Variants in POLD1 observed in about 807,000 individuals in gnomAD.
POLD1 encodes DNA polymerase delta 1, catalytic subunit, also known as DNA polymerase delta catalytic subunit.
POLD1 carries 79 observed loss-of-function variants against 129.7 expected under a neutral mutation model. The ratio of observed to expected loss-of-function variants is 0.61; its 90% confidence interval spans 0.51 to 0.73. POLD1 has a LOEUF of 0.73. POLD1 is among the 30% of genes least tolerant of loss of function. The pLI, the probability that POLD1 is intolerant of heterozygous loss-of-function variation, is 0.00. For missense variants in POLD1, 1,338 were observed against 1,595.8 expected (o/e 0.84, Z 2.75); for synonymous variants, 714 against 683.3 (o/e 1.04, Z -0.70).
At chr19:50,397,354 G>A (rs891789418) in intron 1 of POLD1, among the ~76,000 whole-genome samples, 1 of 151,490 alleles carries the variant, frequency 6.6e-6, no homozygotes, top group Non-Finnish European at 1.5e-5. Context: ...GCAGTGAATC[G>A]AGATTGTGCC....
intron 3 of POLD1, among the ~76,000 whole-genome samples, chr19:50,400,512 T>A: frequency 7.1e-6 from 1 of 141,228 alleles, no homozygotes; most frequent in East Asian, 2.1e-4. Flanking sequence ...TGAGTAACTG[T>A]GCCCCGCCTA....
intron 3 of POLD1, among the ~76,000 whole-genome samples, chr19:50,401,373 A>ATG (rs2038604140): frequency 1.9e-5 from 1 of 51,332 alleles, no homozygotes; most frequent in East Asian, 3.5e-4. Flanking sequence ...ATGTGTATAT[A>ATG]TATATATATA....
chr19:50,398,099 G>A (rs752567019), intron 1 of POLD1, among the ~76,000 whole-genome samples: 6 of 152,156 alleles, frequency 3.9e-5, no homozygotes, highest in Admixed American at 3.3e-4. Context: ...CACACGACAC[G>A]CTGACCACCG....
intron 24 of POLD1, 144 bp from the exon 25 acceptor site, chr19:50,416,901 C>T (rs1035202753): frequency 3.7e-6 from 4 of 1,071,798 alleles, no homozygotes; most frequent in Non-Finnish European, 5.3e-6. Context: ...CCGGGAGTTC[C>T]CCAGGGGAGT....
intron 8 of POLD1, 52 bp from the exon 9 acceptor site, chr19:50,403,001 G>A (rs2038717849): frequency 6.5e-7 from 1 of 1,541,598 alleles, no homozygotes; most frequent in Non-Finnish European, 8.8e-7. Flanking sequence ...CCTCCCTGCT[G>A]TGTTGGGAGT....
rs763404697 is a variant in POLD1, at chr19:50,403,475, A to G, written c.1138-18A>G. 14 of 1,581,876 alleles carry G rather than the reference A, an allele frequency of 8.9e-6. No individual in the cohort carries two copies. The highest frequency in any genetic ancestry group is 5.5e-5 in the South Asian group (5 of 90,474). On this transcript the variant is annotated intron_variant, in intron 9 of 26. Coordinates refer to ENST00000440232, the MANE Select transcript of POLD1 (RefSeq NM_002691.4). ...GCAGGGCAACCACCAGGGTGACCCAATGTGCTCCCACCCCCAGGCCTGGTC... is the reference window on the plus strand; with the variant it reads ...GCAGGGCAACCACCAGGGTGACCCAGTGTGCTCCCACCCCCAGGCCTGGTC...
intron 1 of POLD1, among the ~76,000 whole-genome samples, chr19:50,390,749 G>T (rs1480186834): frequency 1.3e-5 from 2 of 152,042 alleles, no homozygotes; most frequent in Non-Finnish European, 2.9e-5. Context: ...GTGTCCCTGG[G>T]TACTTGAGAT....
At position 50,385,825 on chromosome 19, in the gene POLD1, G is replaced by C. The variant is rs535324430; in HGVS notation, c.-2+1435G>C. On this transcript the variant is annotated intron_variant, in intron 1 of 26. Transcript: ENST00000440232. ...ATTACAGGCGTGAGCCACCACGCAC[G>C]GCCGCTTCTCCTCCTTCCTGCACTT... is the stretch of plus-strand genomic sequence containing the variant. Among the ~76,000 whole-genome samples, 9 of 151,778 alleles carry C rather than the reference G, an allele frequency of 5.9e-5. No individual in the cohort carries two copies. The South Asian group carries it at 1.7e-3, about 28-fold the overall frequency.
chr19:50,388,825 CTTTTTTTTTTTT>C (rs34487979), intron 1 of POLD1, among the ~76,000 whole-genome samples: 26 of 88,900 alleles, frequency 2.9e-4, no homozygotes, highest in African/African-American at 9.1e-4. Flanking sequence ...GCAGTTAACT[CTTTTTTTTTTTT>C]TTTTTTTTTT....
rs763479070 is a variant in POLD1 at position 50,402,253 on chromosome 19, C to T, written c.638C>T (p.Thr213Ile). 19 of 1,600,488 alleles carry T rather than the reference C, an allele frequency of 1.2e-5. 1 individual carries two copies. The South Asian group carries it at 1.9e-4, about 16-fold the overall frequency. The change falls in exon 6 of 27, where the codon ACC (threonine) becomes ATC (isoleucine). Residue 213 changes from threonine (T) to isoleucine (I), a missense_variant. By Grantham distance (89) the Thr-to-Ile change is moderately conservative (BLOSUM62 -1). Around this residue, in one of 3 missense-constraint regions of POLD1, gnomAD observed 332 missense variants for 315.7 expected, o/e 1.05. Coordinates refer to ENST00000440232, the MANE Select transcript of POLD1 (RefSeq NM_002691.4). The stretch of plus-strand genomic sequence containing the variant: ...GGCCCCTCCCCGTTCCTGCGCATCA[C>T]CGTGGCGCTGCCGCGCCTCGTGGCC... ...GHGPSPFLRI[T>I]VALPRLVAPA...
intron 3 of POLD1, among the ~76,000 whole-genome samples, chr19:50,400,932 G>A (rs2122218830): frequency 6.6e-6 from 1 of 151,158 alleles, no homozygotes. Context: ...TCCTGACCTC[G>A]TGATCCGCCC....
rs1424207662 is a variant in POLD1 at position 50,402,081 on chromosome 19, G to A, written c.546G>A (p.Leu182=). ...GGGACAGTCGCGGGGGGAGGGAGCT[G>A]ACTGGGCCGGCCGTGCTGGCTGTGG... is the stretch of plus-strand genomic sequence containing the variant. ...ISRDSRGGRE[L]TGPAVLAVEL... Residue 182 remains leucine (L), a synonymous_variant, in exon 5 of 27, where the codon CTG becomes CTA. Coordinates refer to ENST00000440232, the MANE Select transcript of POLD1 (RefSeq NM_002691.4). 1 of 1,613,988 alleles carries A rather than the reference G, an allele frequency of 6.2e-7. No individual in the cohort carries two copies. Among genetic ancestry groups the A allele is most frequent in the East Asian group, 2.2e-5 (1 of 44,878 alleles).
In POLD1 at chr19:50,399,302, A is replaced by G. The variant is rs1025999488; in HGVS notation, c.203-69A>G. ...CCACCTCTGCCTGGCTCCTTTCAGA[A>G]CCACATGCCATCCTGGCCGGGGAAG... On this transcript the variant is annotated intron_variant, in intron 2 of 26. Transcript: ENST00000440232. 21 of 1,354,158 alleles carry G rather than the reference A, an allele frequency of 1.6e-5. No homozygotes were observed. In the Admixed American group the frequency reaches 3.8e-4, roughly 24 times the overall value. 83.9% of individuals were successfully genotyped at this position (1,354,158 alleles called of 1,614,324 possible).
chr19:50,385,358 C>G (rs2037933716), intron 1 of POLD1, among the ~76,000 whole-genome samples: 1 of 151,964 alleles, frequency 6.6e-6, no homozygotes, highest in African/African-American at 2.4e-5. Flanking sequence ...GAGCAGCAGG[C>G]TGGATGGGGA....
intron 17 of POLD1, among the ~76,000 whole-genome samples, chr19:50,410,319 G>A (rs551570843): frequency 1.3e-5 from 2 of 152,252 alleles, no homozygotes; most frequent in Admixed American, 1.3e-4. Flanking sequence ...CTTGAGTCTT[G>A]GCCCATTCCA....
chr19:50,399,671 G>A (rs1431987107), intron 3 of POLD1, among the ~76,000 whole-genome samples, 187 bp downstream of exon 3: 1 of 152,216 alleles, frequency 6.6e-6, no homozygotes, highest in Non-Finnish European at 1.5e-5. Flanking sequence ...CAGGGGTTGT[G>A]GAGTGCGAAG....
chr19:50,406,337 TG>T lies in POLD1; in HGVS notation c.1383+19del. On this transcript the variant is annotated intron_variant, in intron 11 of 26. Coordinates refer to ENST00000440232, the MANE Select transcript of POLD1 (RefSeq NM_002691.4). The surrounding 1 kb of genome is among the most constrained non-coding windows in gnomAD (Gnocchi z 5.5). ...ACATGCTGCAGGTATGGGCGGGAGGTGGGGTGTGTCCCTGTCCTTGGAAGGC... is the reference window on the plus strand; with the variant it reads ...ACATGCTGCAGGTATGGGCGGGAGGTGGGTGTGTCCCTGTCCTTGGAAGGC... 6.2e-7 allele frequency: 1 copy of T among 1,612,562 alleles called. No homozygotes were observed. Among genetic ancestry groups the T allele is most frequent in the Non-Finnish European group, 8.5e-7 (1 of 1,179,372 alleles).
chr19:50,391,011 T>C (rs1467941517), intron 1 of POLD1, among the ~76,000 whole-genome samples: 1 of 152,122 alleles, frequency 6.6e-6, no homozygotes, highest in Non-Finnish European at 1.5e-5. Flanking sequence ...CTCTCTTTCC[T>C]TTCCCATTTC....
chr19:50,384,993 G>A (rs1234077029), intron 1 of POLD1, among the ~76,000 whole-genome samples: 1 of 152,170 alleles, frequency 6.6e-6, no homozygotes, highest in Non-Finnish European at 1.5e-5. Context: ...GAGCCGAGGG[G>A]ACGAGAGAAA....
Sources: gnomAD v4.1 joint callset for allele counts (sites outside exome capture counted in the v4.1 genomes callset) on GRCh38, gnomAD v4.1.1 for gene constraint, gnomAD v4.1.1 regional missense constraint, Gnocchi (gnomAD v3.1) non-coding constraint, MANE v1.5 for transcripts, NCBI Gene and HGNC (gene_info 2026-07-23, HGNC 2026-07-21) for gene names.